The following PHACTR1 variants were observed in gnomAD, a reference collection of about 807,000 sequenced individuals.
PHACTR1 encodes the protein RPEL repeat containing 1.
In PHACTR1, 16 loss-of-function variants were observed where a neutral mutation model predicts 69.2. That is an observed-to-expected ratio of 0.23 (90% CI 0.16 to 0.35). PHACTR1 has a LOEUF of 0.35. Ranked by LOEUF, PHACTR1 falls within the 10% of genes least tolerant of loss-of-function variation. The pLI, the probability that PHACTR1 is intolerant of heterozygous loss-of-function variation, is 1.00. For missense variants in PHACTR1, 510 were observed against 734.7 expected (o/e 0.69, Z 3.54); for synonymous variants, 312 against 284.5 (o/e 1.10, Z -0.97).
In PHACTR1 at chr6:12,796,341, A is replaced by T. The variant is rs1772997893; in HGVS notation, c.250+46551A>T. The stretch of plus-strand genomic sequence containing the variant: ...TACTTGGAAGACTGCTTGATGCCCC[A>T]GACTGTCTGCTATATTGCTATGTAT... On this transcript the variant is annotated intron_variant, in intron 4 of 14. Coordinates refer to ENST00000332995, the MANE Select transcript of PHACTR1 (RefSeq NM_030948.6). Among the ~76,000 whole-genome samples the T allele has an allele frequency of 2.6e-5, 4 of 152,258 alleles. No homozygotes were observed. The South Asian group carries it at 8.3e-4, about 31-fold the overall frequency.
rs746536167 is a variant in PHACTR1, at chr6:13,228,080, T to C, written c.1234+17T>C. Reference sequence around the variant, plus strand: ...TATACACCAGTGCGTTCATCTTAACTCATCACCAGGGGTGGGGAAGCATGC... The same window carrying C: ...TATACACCAGTGCGTTCATCTTAACCCATCACCAGGGGTGGGGAAGCATGC... On this transcript the variant is annotated intron_variant, in intron 9 of 14. Transcript: ENST00000332995. 4 of 1,602,164 alleles carry C rather than the reference T, an allele frequency of 2.5e-6. No homozygotes were observed. The highest frequency in any genetic ancestry group is 3.4e-6 in the Non-Finnish European group (4 of 1,176,926).
At chr6:13,173,453 C>G (rs1187808208) in intron 6 of PHACTR1, among the ~76,000 whole-genome samples, 2 of 152,190 alleles carry the variant, frequency 1.3e-5, no homozygotes, top group Non-Finnish European at 2.9e-5. Flanking sequence ...TCCCTAAACT[C>G]AGGCAAACTG....
chr6:12,856,863 A>C (rs2127418147), intron 4 of PHACTR1, among the ~76,000 whole-genome samples: 1 of 152,290 alleles, frequency 6.6e-6, no homozygotes, highest in East Asian at 1.9e-4. Context: ...TTCACTAATG[A>C]CCAGAGACAG....
At chr6:13,144,609 T>C (rs1823013310) in intron 5 of PHACTR1, among the ~76,000 whole-genome samples, 1 of 151,688 alleles carries the variant, frequency 6.6e-6, no homozygotes, top group South Asian at 2.1e-4. Context: ...TTCTAAAATA[T>C]GTGTGAATTA....
intron 4 of PHACTR1, among the ~76,000 whole-genome samples, chr6:12,876,928 A>G (rs536869189): frequency 6.6e-6 from 1 of 152,324 alleles, no homozygotes; most frequent in East Asian, 1.9e-4. Context: ...GTACAAAATC[A>G]AGAGAAGATG....
At chr6:12,915,449 C>A (rs1786864232) in intron 4 of PHACTR1, among the ~76,000 whole-genome samples, 1 of 145,554 alleles carries the variant, frequency 6.9e-6, no homozygotes, top group Non-Finnish European at 1.5e-5. Context: ...AGAGGTTGCA[C>A]TGGGCTGAGA....
intron 4 of PHACTR1, among the ~76,000 whole-genome samples, chr6:12,881,360 G>A (rs2127455600): frequency 6.6e-6 from 1 of 152,258 alleles, no homozygotes; most frequent in African/African-American, 2.4e-5. Context: ...GTTGCATTTG[G>A]CGCTGAACCT....
At chr6:13,279,230 T>G (rs1393962928) in intron 12 of PHACTR1, 1 of 152,214 alleles carries the variant, frequency 6.6e-6, no homozygotes, top group Non-Finnish European at 1.5e-5. Flanking sequence ...CACTGTAGCC[T>G]CGCATGCATC....
chr6:12,777,221 T>TTA (rs777055650), intron 4 of PHACTR1, among the ~76,000 whole-genome samples: 17 of 143,816 alleles, frequency 1.2e-4, no homozygotes, highest in African/African-American at 3.9e-4. Context: ...GACTACGGTT[T>TTA]TATATATATA....
At chr6:12,941,828 A>G (rs926467666) in intron 4 of PHACTR1, among the ~76,000 whole-genome samples, 1 of 152,222 alleles carries the variant, frequency 6.6e-6, no homozygotes, top group African/African-American at 2.4e-5. Context: ...TTGCACTGGC[A>G]TAGAAAAATA....
At chr6:12,809,395 A>G (rs1023192157) in intron 4 of PHACTR1, among the ~76,000 whole-genome samples, 1 of 152,164 alleles carries the variant, frequency 6.6e-6, no homozygotes, top group Non-Finnish European at 1.5e-5. Context: ...ATCACTCATC[A>G]ATCCTAGTAC....
chr6:13,143,190 G>A (rs1561893095), intron 5 of PHACTR1, among the ~76,000 whole-genome samples: 1 of 152,146 alleles, frequency 6.6e-6, no homozygotes, highest in Admixed American at 6.5e-5. Context: ...CAAAAAAATA[G>A]TTGAAAATGA....
intron 4 of PHACTR1, among the ~76,000 whole-genome samples, chr6:13,048,055 AAAT>A (rs2127726274): frequency 6.6e-6 from 1 of 152,292 alleles, no homozygotes; most frequent in East Asian, 1.9e-4. Context: ...GGAGAAAGAA[AAAT>A]CATCTCCCAA....
At chr6:12,893,828 T>G (rs990709520) in intron 4 of PHACTR1, among the ~76,000 whole-genome samples, 2 of 152,216 alleles carry the variant, frequency 1.3e-5, no homozygotes, top group African/African-American at 4.8e-5. Flanking sequence ...AAGTGTCACA[T>G]GGGCTTCCAT....
At chr6:13,058,161 A>G (rs1166059436) in intron 5 of PHACTR1, among the ~76,000 whole-genome samples, 2 of 152,194 alleles carry the variant, frequency 1.3e-5, no homozygotes, top group Admixed American at 1.3e-4. Flanking sequence ...AAGACAGATG[A>G]TAACATCCCC....
chr6:12,772,180 G>A (rs1769472261), intron 4 of PHACTR1, among the ~76,000 whole-genome samples: 1 of 152,202 alleles, frequency 6.6e-6, no homozygotes, highest in South Asian at 2.1e-4. Context: ...TTTTCACAGA[G>A]GTGTGGCTAA....
intron 5 of PHACTR1, among the ~76,000 whole-genome samples, chr6:13,091,105 G>C (rs1561816926): frequency 6.6e-6 from 1 of 151,952 alleles, no homozygotes; most frequent in East Asian, 1.9e-4. Context: ...CTGCCTCCTG[G>C]GTTCAAGCAG....
At chr6:12,928,078 C>A (rs1487742472) in intron 4 of PHACTR1, among the ~76,000 whole-genome samples, 1 of 152,080 alleles carries the variant, frequency 6.6e-6, no homozygotes, top group Non-Finnish European at 1.5e-5. Context: ...TCTGTCGACT[C>A]AGACTAGGAG....
chr6:13,219,633 C>T lies in PHACTR1; in HGVS notation c.987-8183C>T, dbSNP rs116837936. ...CCTACTCACCCCCAGCCATGTGCTA[C>T]TCACACAAAACTTGTATCCCCAAGT... On this transcript the variant is annotated intron_variant, in intron 8 of 14. Coordinates refer to ENST00000332995, the MANE Select transcript of PHACTR1 (RefSeq NM_030948.6). Among the ~76,000 whole-genome samples, 716 of 152,302 alleles carry T rather than the reference C, an allele frequency of 4.7e-3. 9 individuals carry two copies. Among genetic ancestry groups the T allele is most frequent in the African/African-American group, 0.017 (694 of 41,542 alleles).
Sources: allele counts gnomAD v4.1 joint callset (sites outside exome capture counted in the v4.1 genomes callset), GRCh38; gene constraint gnomAD v4.1.1; transcripts MANE v1.5; gene names NCBI Gene and HGNC (gene_info 2026-07-23, HGNC 2026-07-21).